CSMD1: variants seen among roughly 807,000 people sequenced by gnomAD.
CSMD1 encodes the protein CUB and sushi domain-containing protein 1.
Under a neutral mutation model 417.5 loss-of-function variants are expected in CSMD1, and 213 were observed. The ratio of observed to expected loss-of-function variants is 0.51; its 90% confidence interval spans 0.46 to 0.57. CSMD1 has a LOEUF of 0.57. Among genes scored for constraint, CSMD1 ranks in the 20% least tolerant of loss-of-function variants. CSMD1 has a pLI of 0.00. For missense variants in CSMD1, 6,923 were observed against 4,529.7 expected (o/e 1.53, Z -15.17); for synonymous variants, 2,862 against 1,736.8 (o/e 1.65, Z -16.11).
At chr8:4,353,686 C>A (rs1353469610) in intron 3 of CSMD1, among the ~76,000 whole-genome samples, 1 of 152,158 alleles carries the variant, frequency 6.6e-6, no homozygotes, top group Non-Finnish European at 1.5e-5. Context: ...TCAGAATTCA[C>A]AATCAGGCAT....
chr8:3,276,024 G>GT (rs1802262300), intron 26 of CSMD1, among the ~76,000 whole-genome samples: 1 of 152,130 alleles, frequency 6.6e-6, no homozygotes. Flanking sequence ...AGAGTTTCCA[G>GT]TTTTTCTGCT....
chr8:3,661,669 G>C (rs972603427), intron 7 of CSMD1, among the ~76,000 whole-genome samples: 5 of 151,978 alleles, frequency 3.3e-5, no homozygotes, highest in Non-Finnish European at 5.9e-5. Flanking sequence ...GCTAATTTTT[G>C]TATTTTTAGT....
rs759150050 is a variant in CSMD1 at position 3,284,271 on chromosome 8, G to A, written c.4026C>T (p.Asp1342=). 2.5e-6 allele frequency: 4 copies of A among 1,613,938 alleles called. No homozygotes were observed. The highest frequency in any genetic ancestry group is 1.1e-5 in the South Asian group (1 of 91,068). The change falls in exon 26 of 70, where the codon GAC becomes GAT. Residue 1342 remains aspartate (D), a synonymous_variant. Coordinates refer to ENST00000635120, the MANE Select transcript of CSMD1 (RefSeq NM_033225.6). ...LKVWDGPVDS[D]ILLKEWSGSA... is the part of the protein sequence containing the mutation. The stretch of plus-strand genomic sequence containing the variant: ...AGCCACTCCACTCCTTCAGCAGGAT[G>A]TCACTGTCCACCGGCCCGTCCCAGA...
intron 1 of CSMD1, among the ~76,000 whole-genome samples, chr8:4,761,118 A>G (rs1193569679): frequency 6.6e-6 from 1 of 152,142 alleles, no homozygotes; most frequent in African/African-American, 2.4e-5. Context: ...TTCAGTGAAT[A>G]TGCAAAAGAG....
At chr8:3,061,188 C>T (rs1234597858) in intron 49 of CSMD1, among the ~76,000 whole-genome samples, 3 of 152,158 alleles carry the variant, frequency 2.0e-5, no homozygotes, top group Non-Finnish European at 4.4e-5. Context: ...TTTGCTTCCT[C>T]ACCTGCAAAA....
At chr8:3,546,001 C>G (rs1798643176) in intron 10 of CSMD1, among the ~76,000 whole-genome samples, 1 of 152,190 alleles carries the variant, frequency 6.6e-6, no homozygotes. Flanking sequence ...ATTGATGAGT[C>G]ACATGACACT....
chr8:4,735,328 C>G (rs977201305), intron 1 of CSMD1, among the ~76,000 whole-genome samples: 4 of 152,162 alleles, frequency 2.6e-5, no homozygotes, highest in South Asian at 4.1e-4. Flanking sequence ...ACCAAGTTAC[C>G]AAGCCAGGAT....
Position 3,122,082 on chromosome 8 carries a change from A to G in CSMD1, c.6242-3495T>C, listed in dbSNP as rs577809152. On this transcript the variant is annotated intron_variant, in intron 41 of 69. Coordinates refer to ENST00000635120, the MANE Select transcript of CSMD1 (RefSeq NM_033225.6). ...TAATGTATATCGATAATATGAAATT[A>G]GAAACAGTGTTTGAAAATGAGTATT... Among the ~76,000 whole-genome samples, 3 of 152,300 alleles carry G rather than the reference A, an allele frequency of 2.0e-5. No individual in the cohort carries two copies. The South Asian group carries it at 6.2e-4, about 32-fold the overall frequency.
At chr8:3,015,833 G>A (rs563145222) in intron 52 of CSMD1, among the ~76,000 whole-genome samples, 1 of 152,266 alleles carries the variant, frequency 6.6e-6, no homozygotes, top group East Asian at 1.9e-4. Flanking sequence ...TAGCAAGACT[G>A]ATAGGCGAGA....
Position 4,282,156 on chromosome 8 carries a change from T to C in CSMD1, c.415+137797A>G, listed in dbSNP as rs575248742. 5.3e-5 allele frequency among the ~76,000 whole-genome samples: 8 copies of C among 152,358 alleles called. No homozygotes were observed. In the South Asian group the frequency reaches 1.7e-3, roughly 32 times the overall value. On this transcript the variant is annotated intron_variant, in intron 3 of 69. Coordinates refer to ENST00000635120, the MANE Select transcript of CSMD1 (RefSeq NM_033225.6). The stretch of plus-strand genomic sequence containing the variant: ...GTTATACAATATTGCTCAAATACGA[T>C]TTCAAAATAACTTCTGAAGTCACGT...
At chr8:4,084,202 T>A (rs1270530039) in intron 3 of CSMD1, among the ~76,000 whole-genome samples, 1 of 152,136 alleles carries the variant, frequency 6.6e-6, no homozygotes, top group Non-Finnish European at 1.5e-5. Flanking sequence ...TTTTCCTGAT[T>A]TTTCAGTTAG....
chr8:4,785,745 T>C (rs1402257234), intron 1 of CSMD1, among the ~76,000 whole-genome samples: 1 of 152,130 alleles, frequency 6.6e-6, no homozygotes, highest in East Asian at 1.9e-4. Flanking sequence ...TCTCAGTGCA[T>C]CATACAAATA....
intron 26 of CSMD1, among the ~76,000 whole-genome samples, chr8:3,271,850 G>A (rs923412913): frequency 9.9e-5 from 15 of 152,048 alleles, no homozygotes; most frequent in Non-Finnish European, 1.9e-4. Flanking sequence ...AGATGAGTAG[G>A]TTGTGAAAAT....
rs917073033 is a variant in CSMD1, at chr8:4,661,484, C to T, written c.86-23926G>A. Among the ~76,000 whole-genome samples, 3 of 151,986 alleles carry T rather than the reference C, an allele frequency of 2.0e-5. No individual in the cohort carries two copies. The South Asian group carries it at 6.2e-4, about 32-fold the overall frequency. ...AGATTATTCATTGCTATGGGTTAGG[C>T]GGTGGGGTCAGGAGGAACGTGAATG... On this transcript the variant is annotated intron_variant, in intron 1 of 69. Transcript: ENST00000635120.
At chr8:3,410,889 G>C (rs1362267584) in intron 12 of CSMD1, among the ~76,000 whole-genome samples, 2 of 152,218 alleles carry the variant, frequency 1.3e-5, no homozygotes, top group East Asian at 3.9e-4. Context: ...TTGATGATGG[G>C]TAATTTAACA....
intron 2 of CSMD1, among the ~76,000 whole-genome samples, chr8:4,620,788 T>G (rs1040866607): frequency 6.6e-6 from 1 of 151,414 alleles, no homozygotes; most frequent in Non-Finnish European, 1.5e-5. Flanking sequence ...TACTTATTTA[T>G]AAAAAAGAGA....
intron 3 of CSMD1, among the ~76,000 whole-genome samples, chr8:4,387,567 T>C (rs1396690723): frequency 5.6e-4 from 3 of 5,360 alleles, no homozygotes; most frequent in East Asian, 4.6e-3. Flanking sequence ...AAATCCAAAC[T>C]GGCAAAAAAA....
intron 1 of CSMD1, among the ~76,000 whole-genome samples, chr8:4,726,995 C>T (rs1809502239): frequency 6.6e-6 from 1 of 151,790 alleles, no homozygotes; most frequent in South Asian, 2.1e-4. Context: ...AAAATGAGAC[C>T]CCTATATGTC....
chr8:3,551,776 G>A (rs1164250448), intron 10 of CSMD1, among the ~76,000 whole-genome samples: 3 of 152,066 alleles, frequency 2.0e-5, no homozygotes, highest in Non-Finnish European at 2.9e-5. Context: ...ATAATATGAT[G>A]TTCTCTGTAA....
Sources: allele counts gnomAD v4.1 joint callset (sites outside exome capture counted in the v4.1 genomes callset), GRCh38; gene constraint gnomAD v4.1.1; transcripts MANE v1.5; gene names NCBI Gene and HGNC (gene_info 2026-07-23, HGNC 2026-07-21).